JAZF1: variants seen among roughly 807,000 people sequenced by gnomAD.
JAZF1 encodes juxtaposed with another zinc finger protein 1.
A neutral mutation model predicts 26.4 loss-of-function variants in JAZF1; 8 were observed. The ratio of observed to expected loss-of-function variants is 0.30; its 90% confidence interval spans 0.18 to 0.55. The LOEUF (loss-of-function observed/expected upper bound fraction) is 0.55. JAZF1 is among the 20% of genes least tolerant of loss of function. The pLI is 0.94. For missense variants in JAZF1, 199 were observed against 322.0 expected (o/e 0.62, Z 2.92); for synonymous variants, 126 against 122.3 (o/e 1.03, Z -0.20).
In JAZF1 at chr7:27,832,444, T is replaced by G. The variant is rs1583420199; in HGVS notation, c.*356A>C. The stretch of plus-strand genomic sequence containing the variant: ...ACATTACAATCTTGAAAAAAAAATC[T>G]CAGTGCCAGCCCCTCCTCCCCCCAG... On this transcript the variant is annotated 3_prime_UTR_variant, in exon 5 of 5. Transcript: ENST00000283928. The G allele has an allele frequency of 4.3e-6, 1 of 234,392 alleles. No homozygotes were observed. The highest frequency in any genetic ancestry group is 6.1e-5 in the East Asian group (1 of 16,308). The allele number at this position is 234,392 out of a possible 1,614,324, so 14.5% of individuals were successfully genotyped here. A position where few individuals can be genotyped will look rare whatever the true frequency, so the allele number is the denominator to read the frequency against.
intron 2 of JAZF1, among the ~76,000 whole-genome samples, chr7:27,957,156 TA>T (rs869238555): frequency 1.5e-5 from 2 of 132,610 alleles, no homozygotes; most frequent in African/African-American, 6.1e-5. Context: ...GAACTGAATT[TA>T]AATCCTCAAA....
At chr7:28,052,931 A>T (rs139905207) in intron 1 of JAZF1, among the ~76,000 whole-genome samples, 10 of 152,272 alleles carry the variant, frequency 6.6e-5, no homozygotes, top group African/African-American at 2.2e-4. Flanking sequence ...TGTACAACAG[A>T]TCTCTAGAAT....
At chr7:27,939,790 C>T (rs146352164) in intron 2 of JAZF1, among the ~76,000 whole-genome samples, 1 of 152,310 alleles carries the variant, frequency 6.6e-6, no homozygotes, top group African/African-American at 2.4e-5. Flanking sequence ...GTCTGTCTCT[C>T]CACTTCATGA....
At chr7:28,061,612 A>G (rs1307446509) in intron 1 of JAZF1, among the ~76,000 whole-genome samples, 1 of 152,216 alleles carries the variant, frequency 6.6e-6, no homozygotes, top group Non-Finnish European at 1.5e-5. Context: ...GTTAATAGCA[A>G]AAAGAAATGG....
intron 2 of JAZF1, among the ~76,000 whole-genome samples, chr7:27,979,659 G>C (rs192947154): frequency 1.3e-5 from 2 of 152,228 alleles, no homozygotes; most frequent in East Asian, 3.9e-4. Flanking sequence ...CCCAGGGACA[G>C]TCCCATGCTT....
rs147524930 is a variant in JAZF1 at position 27,993,545 on chromosome 7, T to C, written c.116-1564A>G. Among the ~76,000 whole-genome samples, 397 of 152,290 alleles carry C rather than the reference T, an allele frequency of 2.6e-3. 2 individuals are homozygous for C. The highest frequency in any genetic ancestry group is 9.4e-3 in the African/African-American group (389 of 41,560). On this transcript the variant is annotated intron_variant, in intron 1 of 4. Coordinates refer to ENST00000283928, the MANE Select transcript of JAZF1 (RefSeq NM_175061.4). ...CTTGCTGGAGGAGACAGTAGAACAA[T>C]GTTCAACAAGGAAAGGTGTTTTGTC...
intron 3 of JAZF1, among the ~76,000 whole-genome samples, chr7:27,851,545 C>T (rs1185261257): frequency 1.3e-5 from 2 of 152,070 alleles, no homozygotes; most frequent in Non-Finnish European, 2.9e-5. Context: ...CCCAGCTACT[C>T]AGGAGGCTGA....
intron 1 of JAZF1, among the ~76,000 whole-genome samples, chr7:28,016,053 C>A (rs955898933): frequency 6.6e-6 from 1 of 152,198 alleles, no homozygotes; most frequent in Admixed American, 6.5e-5. Context: ...AATGAGGGCA[C>A]TATAGAGCCT....
chr7:28,024,647 C>T (rs1007535608), intron 1 of JAZF1, among the ~76,000 whole-genome samples: 8 of 152,102 alleles, frequency 5.3e-5, no homozygotes. Flanking sequence ...GCATCTCTGG[C>T]AAAATACCAA....
intron 3 of JAZF1, among the ~76,000 whole-genome samples, chr7:27,848,012 T>A (rs1783060255): frequency 6.6e-6 from 1 of 152,172 alleles, no homozygotes; most frequent in Non-Finnish European, 1.5e-5. Flanking sequence ...CCAACTTTAC[T>A]TTTTCTTTCT....
At chr7:27,846,257 C>T (rs1279550425) in intron 3 of JAZF1, among the ~76,000 whole-genome samples, 1 of 152,026 alleles carries the variant, frequency 6.6e-6, no homozygotes, top group Non-Finnish European at 1.5e-5. Flanking sequence ...TCAGGCTCAT[C>T]CATGTTGTGG....
intron 1 of JAZF1, among the ~76,000 whole-genome samples, chr7:28,147,078 A>C (rs958166645): frequency 6.6e-5 from 10 of 151,872 alleles, no homozygotes; most frequent in Admixed American, 3.3e-4. Context: ...GGCTGGTTCA[A>C]ACTCCTGACC....
intron 2 of JAZF1, among the ~76,000 whole-genome samples, chr7:27,936,056 C>A (rs1322034599): frequency 2.0e-5 from 3 of 152,126 alleles, no homozygotes; most frequent in Non-Finnish European, 4.4e-5. Flanking sequence ...CTGGGAAGTT[C>A]GAAACAAGAA....
chr7:27,909,041 G>C (rs760397980), intron 2 of JAZF1, among the ~76,000 whole-genome samples: 1 of 126,764 alleles, frequency 7.9e-6, no homozygotes, highest in Non-Finnish European at 1.7e-5. Context: ...GCAGAATCTC[G>C]CTGTGCTGTC....
At chr7:28,049,586 C>G (rs1783577015) in intron 1 of JAZF1, among the ~76,000 whole-genome samples, 1 of 152,124 alleles carries the variant, frequency 6.6e-6, no homozygotes, top group Non-Finnish European at 1.5e-5. Flanking sequence ...GCAAGAATGT[C>G]CCTATTTCAG....
intron 1 of JAZF1, among the ~76,000 whole-genome samples, chr7:28,015,794 C>G (rs1238502190): frequency 1.5e-4 from 23 of 152,142 alleles, no homozygotes; most frequent in Non-Finnish European, 2.9e-5. Flanking sequence ...TGTGCAAGCC[C>G]TCTTTGTATT....
intron 2 of JAZF1, among the ~76,000 whole-genome samples, chr7:27,976,508 TGCC>T (rs1165531573): frequency 5.4e-4 from 82 of 152,310 alleles, no homozygotes; most frequent in African/African-American, 1.9e-3. Flanking sequence ...GGTAGCACGA[TGCC>T]TGGTGATTGA....
intron 2 of JAZF1, among the ~76,000 whole-genome samples, chr7:27,906,973 G>A (rs935319080): frequency 7.9e-5 from 12 of 152,196 alleles, no homozygotes; most frequent in African/African-American, 2.9e-4. Flanking sequence ...ATGAGTTATT[G>A]AGGTTTCACT....
At chr7:28,097,742 G>T (rs1784407535) in intron 1 of JAZF1, among the ~76,000 whole-genome samples, 1 of 152,180 alleles carries the variant, frequency 6.6e-6, no homozygotes, top group African/African-American at 2.4e-5. Flanking sequence ...GAGCTAAAAA[G>T]AAAGGTGGCA....
Sources: gnomAD v4.1 joint callset for allele counts (sites outside exome capture counted in the v4.1 genomes callset) on GRCh38, gnomAD v4.1.1 for gene constraint, MANE v1.5 for transcripts, NCBI Gene and HGNC (gene_info 2026-07-23, HGNC 2026-07-21) for gene names.